The following RSPO2 variants were observed in gnomAD, a reference collection of about 807,000 sequenced individuals.
The protein encoded by RSPO2 is R-spondin 2, also known as R-spondin-2.
RSPO2 carries 14 observed loss-of-function variants against 30.9 expected under a neutral mutation model. That is an observed-to-expected ratio of 0.45 (90% CI 0.30 to 0.71). RSPO2 has a LOEUF of 0.71. RSPO2 is among the 30% of genes least tolerant of loss of function. The pLI, the probability that RSPO2 is intolerant of heterozygous loss-of-function variation, is 0.08. For missense variants in RSPO2, 264 were observed against 301.9 expected, an observed-to-expected ratio of 0.87 and a Z score of 0.93; for synonymous variants, 107 against 96.4, an observed-to-expected ratio of 1.11 and a Z score of -0.64.
intron 5 of RSPO2, among the ~76,000 whole-genome samples, chr8:107,950,417 T>G (rs1324582878): frequency 6.6e-6 from 1 of 152,150 alleles, no homozygotes; most frequent in Non-Finnish European, 1.5e-5. Context: ...AATAGCTTAT[T>G]TTTTCTTTTA....
intron 5 of RSPO2, among the ~76,000 whole-genome samples, chr8:107,924,639 T>C (rs1044662253): frequency 6.6e-6 from 1 of 151,896 alleles, no homozygotes; most frequent in Non-Finnish European, 1.5e-5. Flanking sequence ...AGCAGTAGGG[T>C]ACTGATGAAG....
chr8:107,961,016 A>C (rs898554210), intron 3 of RSPO2, among the ~76,000 whole-genome samples, 199 bp from the exon 4 acceptor site: 2 of 152,180 alleles, frequency 1.3e-5, no homozygotes, highest in Non-Finnish European at 2.9e-5. Context: ...CTACATCAAG[A>C]ATCCAAGAGA....
At chr8:108,002,068 A>G (rs1401291522) in intron 2 of RSPO2, among the ~76,000 whole-genome samples, 1 of 152,298 alleles carries the variant, frequency 6.6e-6, no homozygotes, top group Non-Finnish European at 1.5e-5. Context: ...AAAAGTTAGC[A>G]TGCGTGCTAT....
intron 5 of RSPO2, among the ~76,000 whole-genome samples, chr8:107,909,741 T>C (rs1258927816): frequency 6.6e-6 from 1 of 152,226 alleles, no homozygotes; most frequent in East Asian, 1.9e-4. Context: ...AACTTCTCTG[T>C]AACTTAGATT....
intron 2 of RSPO2, among the ~76,000 whole-genome samples, chr8:108,079,248 TATTC>T (rs942048140): frequency 3.3e-5 from 5 of 152,182 alleles, no homozygotes; most frequent in Non-Finnish European, 5.9e-5. Context: ...CTCTAAAAGA[TATTC>T]ATTGTCAGTA....
intron 2 of RSPO2, among the ~76,000 whole-genome samples, chr8:108,068,359 C>A (rs569326842): frequency 6.6e-6 from 1 of 152,138 alleles, no homozygotes; most frequent in Admixed American, 6.5e-5. Flanking sequence ...AATATTCTTG[C>A]TTTATGTCCA....
At chr8:108,000,438 T>C (rs185910646) in intron 2 of RSPO2, among the ~76,000 whole-genome samples, 1 of 152,276 alleles carries the variant, frequency 6.6e-6, no homozygotes, top group Admixed American at 6.5e-5. Context: ...CCAAAGGAGC[T>C]GCTGATGTGT....
intron 2 of RSPO2, among the ~76,000 whole-genome samples, chr8:108,049,938 C>A (rs1812026919): frequency 6.6e-6 from 1 of 152,100 alleles, no homozygotes; most frequent in Admixed American, 6.6e-5. Flanking sequence ...TTACATATAT[C>A]TTAGGCTTTA....
intron 2 of RSPO2, among the ~76,000 whole-genome samples, chr8:108,042,701 G>A (rs537308219): frequency 1.3e-5 from 2 of 152,220 alleles, no homozygotes; most frequent in South Asian, 2.1e-4. Context: ...ATTCACTAAT[G>A]GTAAGTGCAG....
chr8:107,999,898 C>T (rs1815173688), intron 2 of RSPO2, among the ~76,000 whole-genome samples: 1 of 152,126 alleles, frequency 6.6e-6, no homozygotes. Context: ...TTGTAATCCT[C>T]ATACATTGGC....
intron 3 of RSPO2, among the ~76,000 whole-genome samples, chr8:107,982,710 A>G (rs1814487540): frequency 6.6e-6 from 1 of 152,184 alleles, no homozygotes; most frequent in African/African-American, 2.4e-5. Flanking sequence ...AACAAAAACA[A>G]TGAAATGGCT....
At chr8:107,983,239 T>C in intron 3 of RSPO2, 1 of 1,582,002 alleles carries the variant, frequency 6.3e-7, no homozygotes, top group Non-Finnish European at 8.6e-7. Context: ...AGCGTATCTT[T>C]CTGAAGCTAT....
intron 5 of RSPO2, among the ~76,000 whole-genome samples, chr8:107,927,815 A>AT (rs144060674): frequency 0.097 from 14,689 of 151,998 alleles, 831 homozygotes; most frequent in East Asian, 0.18. Context: ...TTTATTGAGG[A>AT]TTTTTGTATC....
chr8:107,939,342 G>A (rs1445192217), intron 5 of RSPO2, among the ~76,000 whole-genome samples: 1 of 151,936 alleles, frequency 6.6e-6, no homozygotes, highest in Non-Finnish European at 1.5e-5. Flanking sequence ...TGATGGCCTA[G>A]TGGTATAGCT....
chr8:108,063,711 G>T (rs986900565), intron 2 of RSPO2, among the ~76,000 whole-genome samples: 5 of 151,810 alleles, frequency 3.3e-5, no homozygotes, highest in African/African-American at 1.2e-4. Flanking sequence ...AAAAGAGCCC[G>T]CATTGCCAAG....
intron 5 of RSPO2, among the ~76,000 whole-genome samples, chr8:107,934,020 G>T (rs1812636854): frequency 6.6e-6 from 1 of 152,200 alleles, no homozygotes; most frequent in Non-Finnish European, 1.5e-5. Context: ...AGTGCAACTT[G>T]TAAAGAAATG....
intron 2 of RSPO2, among the ~76,000 whole-genome samples, chr8:108,070,233 A>G (rs1812795001): frequency 6.9e-6 from 1 of 144,486 alleles, no homozygotes; most frequent in Non-Finnish European, 1.5e-5. Context: ...CTAAGGTGGG[A>G]GGATCGCTTG....
chr8:107,901,297 A>G (rs764804835), intron 5 of RSPO2, 107 bp from the exon 6 acceptor site: 141 of 1,251,808 alleles, frequency 1.1e-4, no homozygotes, highest in Admixed American at 1.7e-4. Flanking sequence ...GGAAAACATC[A>G]CCTATGGAAA....
chr8:108,082,998 A>T (rs1813261340), intron 1 of RSPO2, 191 bp from the exon 2 acceptor site: 1 of 236,132 alleles, frequency 4.2e-6, no homozygotes, highest in Non-Finnish European at 8.1e-6. Flanking sequence ...AGGTGATTAT[A>T]ATCAGTGAAT....
Sources: gnomAD v4.1 joint callset for allele counts (sites outside exome capture counted in the v4.1 genomes callset) on GRCh38, gnomAD v4.1.1 for gene constraint, MANE v1.5 for transcripts, NCBI Gene and HGNC (gene_info 2026-07-23, HGNC 2026-07-21) for gene names.